Variants in LRRFIP1 observed in about 807,000 individuals in gnomAD.
The protein encoded by LRRFIP1 is leucine-rich repeat flightless-interacting protein 1.
In LRRFIP1, 62 loss-of-function variants were observed where a neutral mutation model predicts 104.4. That is an observed-to-expected ratio of 0.59 (90% CI 0.48 to 0.73). The LOEUF is 0.73. LRRFIP1 is among the 30% of genes least tolerant of loss of function. The pLI is 0.00. For synonymous variants in LRRFIP1, 300 were observed against 299.0 expected (o/e 1.00, Z -0.03); for missense variants, 796 against 824.5 (o/e 0.97, Z 0.42).
intron 6 of LRRFIP1, among the ~76,000 whole-genome samples, chr2:237,722,528 G>A (rs1020071663): frequency 5.9e-5 from 9 of 152,118 alleles, no homozygotes; most frequent in South Asian, 2.1e-4. Flanking sequence ...ACTCTTTGCC[G>A]AGATATCAAG....
intron 1 of LRRFIP1, among the ~76,000 whole-genome samples, chr2:237,665,059 T>G (rs545642786): frequency 6.6e-6 from 1 of 152,256 alleles, no homozygotes; most frequent in Non-Finnish European, 1.5e-5. Context: ...ACTTTAAGAA[T>G]ACTTATAATT....
intron 4 of LRRFIP1, among the ~76,000 whole-genome samples, chr2:237,718,023 T>G (rs560103418): frequency 1.3e-5 from 2 of 152,354 alleles, no homozygotes; most frequent in South Asian, 4.1e-4. Flanking sequence ...GAAACAGTCC[T>G]GGTCTTGCCT....
chr2:237,708,940 T>C (rs577327225), intron 2 of LRRFIP1, among the ~76,000 whole-genome samples: 84 of 152,384 alleles, frequency 5.5e-4, no homozygotes, highest in Non-Finnish European at 1.0e-3. Flanking sequence ...CTAACTGTTG[T>C]ACTAGAATCT....
chr2:237,698,907 G>T (rs2093351949), intron 1 of LRRFIP1, among the ~76,000 whole-genome samples: 1 of 152,166 alleles, frequency 6.6e-6, no homozygotes. Context: ...ATGCATAGGT[G>T]AGAAAGTCAA....
chr2:237,772,824 G>A lies in LRRFIP1; in HGVS notation c.1628-42G>A, dbSNP rs752498647. On this transcript the variant is annotated intron_variant, in intron 21 of 23. Coordinates refer to ENST00000308482, the MANE Select transcript of LRRFIP1 (RefSeq NM_001137550.2). ...TAACTATTGTTTTAATATTTGAAAA[G>A]CCCAAGAGCTTAACAGATTTTCCTT... 15 of 1,305,546 alleles carry A rather than the reference G, an allele frequency of 1.1e-5. No homozygotes were observed. The South Asian group carries it at 1.8e-4, about 16-fold the overall frequency. 80.9% of individuals were successfully genotyped at this position (1,305,546 alleles called of 1,614,324 possible).
At position 237,717,743 on chromosome 2, in the gene LRRFIP1, C is replaced by G; in HGVS notation, c.202-19C>G. On this transcript the variant is annotated intron_variant, in intron 3 of 23. Coordinates refer to ENST00000308482, the MANE Select transcript of LRRFIP1 (RefSeq NM_001137550.2). The surrounding 1 kb of genome is among the most constrained non-coding windows in gnomAD (Gnocchi z 4.2). ...GAAATTTCACTTCTTGCCTAATTTT[C>G]TTTCCCTTCTGTCTATAGAAATATT... 6.3e-7 allele frequency: 1 copy of G among 1,598,252 alleles called. No homozygotes were observed. The highest frequency in any genetic ancestry group is 8.6e-7 in the Non-Finnish European group (1 of 1,165,518).
In LRRFIP1 at chr2:237,757,523, T is replaced by C. The variant is rs756651549; in HGVS notation, c.1199T>C (p.Ile400Thr). The C allele has an allele frequency of 2.5e-6, 4 of 1,588,298 alleles. No homozygotes were observed. Among genetic ancestry groups the C allele is most frequent in the East Asian group, 2.3e-5 (1 of 44,004 alleles). Residue 400 changes from isoleucine to threonine, a missense_variant, in exon 17 of 24, where the codon ATA becomes ACA. By Grantham distance (89) the Ile-to-Thr change is moderately conservative. Transcript: ENST00000308482. ...GAGATTTCTGATCTTCAGGAAACAATAGAGTGGAAAGACAAAAAGATAGGG... is the reference window on the plus strand; with the variant it reads ...GAGATTTCTGATCTTCAGGAAACAACAGAGTGGAAAGACAAAAAGATAGGG... ...IREISDLQET[I>T]EWKDKKIGAL...
chr2:237,707,510 T>C lies in LRRFIP1; in HGVS notation c.97-1034T>C, dbSNP rs73099032. 4.8e-3 allele frequency among the ~76,000 whole-genome samples: 729 copies of C among 150,914 alleles called. 6 individuals carry two copies. The highest frequency in any genetic ancestry group is 0.017 in the African/African-American group (712 of 41,118). On this transcript the variant is annotated intron_variant, in intron 1 of 23. Coordinates refer to ENST00000308482, the MANE Select transcript of LRRFIP1 (RefSeq NM_001137550.2). ...AAAGGAAAAGATTATGTAAGACGTC[T>C]GAAAACTGTTTATAGAACCATTGTT...
chr2:237,772,618 T>C, intron 21 of LRRFIP1: 1 of 556,520 alleles, frequency 1.8e-6, no homozygotes, highest in Non-Finnish European at 3.2e-6. Flanking sequence ...CTTTGTCTTC[T>C]TCACTCATAG....
intron 10 of LRRFIP1, among the ~76,000 whole-genome samples, chr2:237,737,164 GTGT>G (rs2095276172): frequency 6.6e-6 from 1 of 152,190 alleles, no homozygotes. Context: ...ACTTTCTTCG[GTGT>G]TGTGACAAAG....
At position 237,631,998 on chromosome 2, in the gene LRRFIP1, C is replaced by T. The variant is rs374791436; in HGVS notation, c.96+4258C>T. On this transcript the variant is annotated intron_variant, in intron 1 of 23. Coordinates refer to ENST00000308482, the MANE Select transcript of LRRFIP1 (RefSeq NM_001137550.2). ...CTGATCCATGGCAGGGGCACTGCTG[C>T]CCCACCCGGCTGCTTCACCGGCCCC... Among the ~76,000 whole-genome samples, 47 of 152,356 alleles carry T rather than the reference C, an allele frequency of 3.1e-4. 3 individuals are homozygous for T. Among genetic ancestry groups the T allele is most frequent in the African/African-American group, 1.1e-3 (46 of 41,596 alleles).
chr2:237,716,981 C>A (rs1190230865), intron 3 of LRRFIP1, among the ~76,000 whole-genome samples: 2 of 152,110 alleles, frequency 1.3e-5, no homozygotes, highest in Non-Finnish European at 2.9e-5. Flanking sequence ...GAACACAAAT[C>A]GTAAACTCTT....
intron 10 of LRRFIP1, among the ~76,000 whole-genome samples, chr2:237,737,441 G>A (rs2095285956): frequency 6.6e-6 from 1 of 152,150 alleles, no homozygotes; most frequent in Admixed American, 6.5e-5. Flanking sequence ...TAAACATAAG[G>A]TGCACGTGGA....
At chr2:237,639,930 CA>C (rs952594486) in intron 1 of LRRFIP1, among the ~76,000 whole-genome samples, 14 of 152,182 alleles carry the variant, frequency 9.2e-5, no homozygotes, top group African/African-American at 2.9e-4. Context: ...TGCTTCCAGA[CA>C]TTGTCAAATG....
In LRRFIP1 at chr2:237,756,527, C is replaced by G. The variant is rs76826644; in HGVS notation, c.1131+340C>G. Among the ~76,000 whole-genome samples, 342 of 152,296 alleles carry G rather than the reference C, an allele frequency of 2.2e-3. 4 individuals are homozygous for G. The East Asian group carries it at 0.041, about 18-fold the overall frequency. On this transcript the variant is annotated intron_variant, in intron 16 of 23. Transcript: ENST00000308482. The stretch of plus-strand genomic sequence containing the variant: ...TGACCTCATTTAACCTTAATTACTT[C>G]GTAAAAACCCTATCTCCAAATACAG...
intron 11 of LRRFIP1, among the ~76,000 whole-genome samples, chr2:237,746,786 T>A (rs565312927): frequency 2.4e-3 from 371 of 152,294 alleles, no homozygotes; most frequent in African/African-American, 8.6e-3. Context: ...CAGCTGGGAT[T>A]GTGGAAAGCG....
intron 1 of LRRFIP1, among the ~76,000 whole-genome samples, chr2:237,682,943 G>T (rs2091983728): frequency 6.6e-6 from 1 of 152,244 alleles, no homozygotes; most frequent in Admixed American, 6.5e-5. Flanking sequence ...CTCGGATGCA[G>T]GTACAGGCCC....
intron 1 of LRRFIP1, among the ~76,000 whole-genome samples, chr2:237,670,718 T>C (rs925827109): frequency 1.3e-5 from 2 of 152,238 alleles, no homozygotes; most frequent in African/African-American, 4.8e-5. Context: ...GGCCCAGCTC[T>C]GGCTGTGTGG....
chr2:237,775,282 G>A (rs1477425849), intron 23 of LRRFIP1, among the ~76,000 whole-genome samples: 1 of 152,240 alleles, frequency 6.6e-6, no homozygotes, highest in Non-Finnish European at 1.5e-5. Context: ...GCAGAACTGG[G>A]AGAAAGCCTT....
Sources: allele counts gnomAD v4.1 joint callset (sites outside exome capture counted in the v4.1 genomes callset), GRCh38; gene constraint gnomAD v4.1.1; non-coding constraint Gnocchi (gnomAD v3.1); transcripts MANE v1.5; gene names NCBI Gene and HGNC (gene_info 2026-07-23, HGNC 2026-07-21).